Variants in GRAMD1A observed in about 807,000 individuals in gnomAD.
GRAMD1A encodes protein Aster-A.
In GRAMD1A, 50 loss-of-function variants were observed where a neutral mutation model predicts 92.0. The ratio of observed to expected loss-of-function variants is 0.54; its 90% CI spans 0.43 to 0.69. The LOEUF (loss-of-function observed/expected upper bound fraction) is 0.69, where lower values mean the gene tolerates loss of function less well. Ranked by LOEUF, GRAMD1A falls within the 30% of genes least tolerant of loss-of-function variation. The pLI is 0.00. For synonymous variants in GRAMD1A, 405 were observed against 403.6 expected (o/e 1.00, Z -0.04); for missense variants, 819 against 978.9 (o/e 0.84, Z 2.18).
intron 1 of GRAMD1A, among the ~76,000 whole-genome samples, chr19:35,008,001 A>C (rs1434544155): frequency 7.2e-5 from 11 of 152,176 alleles, no homozygotes; most frequent in African/African-American, 2.7e-4. Flanking sequence ...TTCAATAAAT[A>C]TTTGTTGTAT....
At chr19:35,024,845 G>A (rs1185149357) in intron 19 of GRAMD1A, 7 of 152,308 alleles carry the variant, frequency 4.6e-5, no homozygotes, top group Admixed American at 4.6e-4. Flanking sequence ...CTGGAGTGCA[G>A]TGGCACGATC....
chr19:35,011,444 C>G (rs1176640469), intron 6 of GRAMD1A, 30 bp from the exon 7 acceptor site: 7 of 1,546,990 alleles, frequency 4.5e-6, no homozygotes, highest in Non-Finnish European at 6.2e-6. Context: ...CCAACCTGCT[C>G]ACACCTCTCT....
chr19:35,021,711 G>A lies in GRAMD1A; in HGVS notation c.1600G>A (p.Glu534Lys). 6.2e-7 allele frequency: 1 copy of A among 1,614,052 alleles called. No individual in the cohort carries two copies. The change falls in exon 15 of 20, where the codon GAG becomes AAG. Residue 534 changes from glutamate (E) to lysine (K), a missense_variant. By Grantham distance (56) the Glu-to-Lys change is moderately conservative (BLOSUM62 1). Transcript: ENST00000317991. This position sits in a 1 kb window ranked among gnomAD's most constrained non-coding sequence, Gnocchi z 5.3. The part of the protein sequence containing the change: ...HHLERELAKA[E>K]KLSLEEGGKD... ...CGCAGAGCGAGAGCTCGCCAAGGCT[G>A]AGAAGCTGTCTCTGGAGGAAGGCGG...
At chr19:35,003,302 C>T (rs964832646) in intron 1 of GRAMD1A, among the ~76,000 whole-genome samples, 2 of 152,118 alleles carry the variant, frequency 1.3e-5, no homozygotes, top group Non-Finnish European at 2.9e-5. Context: ...GATGCATCCG[C>T]CCTTTTCTGA....
chr19:34,999,467 A>T (rs2014192787), upstream of GRAMD1A: 6 of 149,848 alleles, frequency 4.0e-5, no homozygotes. Context: ...TGGTTGGGCC[A>T]GGAGTCCAGG....
chr19:35,001,978 G>A (rs1171120388), intron 1 of GRAMD1A, among the ~76,000 whole-genome samples: 2 of 152,208 alleles, frequency 1.3e-5, no homozygotes, highest in Non-Finnish European at 2.9e-5. Flanking sequence ...CTGGGGCTCT[G>A]TGAGTGTGGC....
chr19:35,003,061 G>GGTGTGTGTGTGTGTGTGTGTGT (rs58809497), intron 1 of GRAMD1A, among the ~76,000 whole-genome samples: 5 of 142,328 alleles, frequency 3.5e-5, no homozygotes, highest in African/African-American at 1.1e-4. Context: ...CAATGCTGCA[G>GGTGTGTGTGTGTGTGTGTGTGT]GTGTGTGTGT....
At chr19:35,011,662 G>T in intron 7 of GRAMD1A, 108 bp downstream of exon 7, 1 of 761,890 alleles carries the variant, frequency 1.3e-6, no homozygotes, top group East Asian at 2.5e-5. Context: ...CTTCTCCATG[G>T]GCACCAGGCC....
chr19:34,995,570 G>GTTT (rs1173583059), upstream of GRAMD1A, among the ~76,000 whole-genome samples: 1,770 of 80,836 alleles, frequency 0.022, 312 homozygotes, highest in African/African-American at 0.081. Flanking sequence ...TCAGATCACG[G>GTTT]GTTTTTTTTT....
rs1013742073 is a variant in GRAMD1A at position 35,015,771 on chromosome 19, G to T, written c.1070-53G>T. 3.9e-5 allele frequency: 62 copies of T among 1,571,244 alleles called. No individual in the cohort carries two copies. In the African/African-American group the frequency reaches 8.1e-4, roughly 21 times the overall value. On this transcript the variant is annotated intron_variant, in intron 10 of 19. Transcript: ENST00000317991. ...TGGGAGTGGGGAGGCGTGGCCCGCA[G>T]AGGGAGGGAGGAGTGGAGGCAGTCA... is the stretch of plus-strand genomic sequence containing the variant.
intron 16 of GRAMD1A, 110 bp from the exon 17 acceptor site, chr19:35,022,790 G>C (rs2016158693): frequency 1.0e-6 from 1 of 995,222 alleles, no homozygotes; most frequent in African/African-American, 2.0e-5. Context: ...TCCAGTGAGG[G>C]GGCGTGGTGC....
chr19:35,000,311 G>C (rs566292199), upstream of GRAMD1A: 446 of 1,046,594 alleles, frequency 4.3e-4, 1 homozygote, highest in African/African-American at 6.4e-3. This position sits in a 1 kb window ranked among gnomAD's most constrained non-coding sequence, Gnocchi z 4.9. Context: ...GGCGGCCTCC[G>C]GCGGCTCCGG....
chr19:34,995,570 G>GTTTTTTTTTTTTTTTTTT (rs1173583059), upstream of GRAMD1A, among the ~76,000 whole-genome samples: 2 of 80,956 alleles, frequency 2.5e-5, 1 homozygote, highest in African/African-American at 9.6e-5. Context: ...TCAGATCACG[G>GTTTTTTTTTTTTTTTTTT]GTTTTTTTTT....
chr19:35,025,580 G>C (rs998303717), intron 19 of GRAMD1A, among the ~76,000 whole-genome samples: 6 of 152,146 alleles, frequency 3.9e-5, no homozygotes, highest in African/African-American at 1.2e-4. Flanking sequence ...GCGATATGAG[G>C]CATCCAGAGG....
chr19:35,017,543 A>G (rs2015729978), intron 11 of GRAMD1A, among the ~76,000 whole-genome samples: 1 of 152,034 alleles, frequency 6.6e-6, no homozygotes, highest in African/African-American at 2.4e-5. Flanking sequence ...GGCTGGTCCC[A>G]TGTCAACCCT....
chr19:35,016,261 A>G (rs1600316245), intron 11 of GRAMD1A, among the ~76,000 whole-genome samples: 1 of 152,296 alleles, frequency 6.6e-6, no homozygotes, highest in East Asian at 1.9e-4. Context: ...AAAAGTTCCT[A>G]GAGCAATACC....
chr19:34,995,966 T>A (rs893135727), upstream of GRAMD1A: 17 of 1,414,508 alleles, frequency 1.2e-5, 1 homozygote. Context: ...GGGAGCTCTA[T>A]CCCTCATCTC....
In GRAMD1A at chr19:35,021,702, G is replaced by A. The variant is rs776139771; in HGVS notation, c.1591G>A (p.Ala531Thr). The A allele has an allele frequency of 1.2e-4, 197 of 1,613,862 alleles. No homozygotes were observed. The Admixed American group carries it at 2.8e-3, about 23-fold the overall frequency. ...TCTCTTTTACGCAGAGCGAGAGCTC[G>A]CCAAGGCTGAGAAGCTGTCTCTGGA... ...DYFHHLEREL[A>T]KAEKLSLEEG... The change falls in exon 15 of 20, where the codon GCC becomes ACC. Residue 531 changes from alanine to threonine, a missense_variant. Coordinates refer to ENST00000317991, the MANE Select transcript of GRAMD1A (RefSeq NM_020895.5). This position sits in a 1 kb window ranked among gnomAD's most constrained non-coding sequence, Gnocchi z 5.3.
At chr19:35,010,518 G>A (rs1460070863) in intron 6 of GRAMD1A, 139 bp downstream of exon 6, 7 of 659,744 alleles carry the variant, frequency 1.1e-5, no homozygotes, top group East Asian at 5.4e-5. Flanking sequence ...CGGCCCAGGC[G>A]CCCATCACCC....
Sources: allele counts gnomAD v4.1 joint callset (sites outside exome capture counted in the v4.1 genomes callset), GRCh38; gene constraint gnomAD v4.1.1; non-coding constraint Gnocchi (gnomAD v3.1); transcripts MANE v1.5; gene names NCBI Gene and HGNC (gene_info 2026-07-23, HGNC 2026-07-21).